The following NTM variants were observed in gnomAD, a reference collection of about 807,000 sequenced individuals.
NTM encodes the protein neurotrimin, also known as IgLON family member 2.
In NTM, 13 loss-of-function variants were observed where a neutral mutation model predicts 42.1. The observed-to-expected ratio is 0.31, with a 90% CI of 0.20 to 0.49. The LOEUF is 0.49. Among genes scored for constraint, NTM ranks in the 20% least tolerant of loss-of-function variants. NTM has a pLI of 0.99. For synonymous variants in NTM, 187 were observed against 179.2 expected (o/e 1.04, Z -0.35); for missense variants, 373 against 452.8 (o/e 0.82, Z 1.60).
At chr11:132,274,333 T>A (rs1284080884) in intron 4 of NTM, among the ~76,000 whole-genome samples, 2 of 152,132 alleles carry the variant, frequency 1.3e-5, no homozygotes, top group Non-Finnish European at 2.9e-5. Flanking sequence ...CTCTTTTTTT[T>A]AATATTATAG....
At chr11:131,975,094 G>T (rs1327174570) in intron 2 of NTM, among the ~76,000 whole-genome samples, 1 of 151,984 alleles carries the variant, frequency 6.6e-6, no homozygotes, top group East Asian at 1.9e-4. Flanking sequence ...AAATATTCAG[G>T]TACAGTAATA....
chr11:131,503,114 T>G (rs411462), intron 1 of NTM: 53,329 of 152,100 alleles, frequency 0.35, 9,622 homozygotes, highest in East Asian at 0.5. Flanking sequence ...TGAGAGGAAA[T>G]AAAGACATTT....
At chr11:131,886,701 G>T (rs1025383569) in intron 1 of NTM, among the ~76,000 whole-genome samples, 2 of 152,224 alleles carry the variant, frequency 1.3e-5, no homozygotes, top group African/African-American at 4.8e-5. Context: ...CAGGGAGCTT[G>T]AGGGAGCTTT....
chr11:131,903,366 G>A (rs1014552141), intron 1 of NTM, among the ~76,000 whole-genome samples: 12 of 152,204 alleles, frequency 7.9e-5, no homozygotes, highest in African/African-American at 1.2e-4. Flanking sequence ...TAATAGGACC[G>A]TTACTGTAAG....
intron 1 of NTM, among the ~76,000 whole-genome samples, chr11:131,785,945 A>G (rs1398792895): frequency 6.6e-6 from 1 of 152,184 alleles, no homozygotes; most frequent in Non-Finnish European, 1.5e-5. Context: ...CAGGCGTTCT[A>G]TGTTGCTGTG....
intron 4 of NTM, among the ~76,000 whole-genome samples, chr11:132,217,108 G>T (rs1381892314): frequency 6.6e-6 from 1 of 152,132 alleles, no homozygotes; most frequent in Non-Finnish European, 1.5e-5. Flanking sequence ...ATTCTAGTGG[G>T]CATCTGGCCC....
chr11:132,232,752 CT>C (rs1303543614), intron 4 of NTM, among the ~76,000 whole-genome samples: 1 of 152,172 alleles, frequency 6.6e-6, no homozygotes, highest in Non-Finnish European at 1.5e-5. Flanking sequence ...TATGCATATT[CT>C]TTTGGGCAGT....
chr11:131,760,030 A>G (rs1297249530), intron 1 of NTM, among the ~76,000 whole-genome samples: 1 of 152,208 alleles, frequency 6.6e-6, no homozygotes, highest in African/African-American at 2.4e-5. Flanking sequence ...CCACTGAGAA[A>G]TCGAGGGAGG....
chr11:132,078,549 C>G (rs1269275933), intron 2 of NTM, among the ~76,000 whole-genome samples: 1 of 152,174 alleles, frequency 6.6e-6, no homozygotes, highest in East Asian at 1.9e-4. Flanking sequence ...AACTGGGAGT[C>G]TGAAATAATC....
At chr11:132,317,051 A>AGAAGT (rs1400524500) in intron 7 of NTM, among the ~76,000 whole-genome samples, 1 of 152,176 alleles carries the variant, frequency 6.6e-6, no homozygotes, top group East Asian at 1.9e-4. Flanking sequence ...CTAGACGTTG[A>AGAAGT]GAAGTGAGGA....
chr11:131,442,520 A>G (rs1949704415), intron 1 of NTM, among the ~76,000 whole-genome samples: 1 of 152,144 alleles, frequency 6.6e-6, no homozygotes, highest in Admixed American at 6.5e-5. Context: ...CCCATCAACC[A>G]AATAGTGAAC....
At chr11:132,333,767 GCTAC>G (rs148885767) in intron 8 of NTM, among the ~76,000 whole-genome samples, 1 of 152,152 alleles carries the variant, frequency 6.6e-6, no homozygotes, top group Non-Finnish European at 1.5e-5. Context: ...CAATCTCATG[GCTAC>G]CTATTTAGCC....
chr11:131,994,528 C>T (rs1287441730), intron 2 of NTM, among the ~76,000 whole-genome samples: 2 of 152,110 alleles, frequency 1.3e-5, no homozygotes, highest in Non-Finnish European at 2.9e-5. Context: ...AGAAGGTGCA[C>T]AGAAACAGGA....
intron 5 of NTM, among the ~76,000 whole-genome samples, chr11:132,308,397 G>C (rs1161881320): frequency 1.3e-5 from 2 of 152,142 alleles, no homozygotes; most frequent in Non-Finnish European, 1.5e-5. Context: ...AATCCAAAAA[G>C]TTTGGAAGGT....
chr11:131,381,944 T>C (rs772828135), intron 1 of NTM, among the ~76,000 whole-genome samples: 1 of 152,224 alleles, frequency 6.6e-6, no homozygotes, highest in Non-Finnish European at 1.5e-5. Flanking sequence ...ATAACTGATG[T>C]TAACACTCTT....
intron 2 of NTM, among the ~76,000 whole-genome samples, chr11:132,090,054 C>A (rs1439256199): frequency 6.6e-6 from 1 of 152,014 alleles, no homozygotes; most frequent in Non-Finnish European, 1.5e-5. Flanking sequence ...CTCACAATAT[C>A]CTTGGAGGGT....
chr11:131,571,500 A>T (rs979867459), intron 1 of NTM, among the ~76,000 whole-genome samples: 4 of 152,218 alleles, frequency 2.6e-5, no homozygotes, highest in African/African-American at 9.6e-5. Context: ...TTAGCATGAC[A>T]GGCCAGCAAA....
intron 1 of NTM, among the ~76,000 whole-genome samples, chr11:131,903,102 A>C (rs776847160): frequency 3.0e-4 from 44 of 148,228 alleles, no homozygotes; most frequent in Non-Finnish European, 5.5e-4. Flanking sequence ...AGATACAGGA[A>C]ACACAGAAAA....
intron 1 of NTM, among the ~76,000 whole-genome samples, chr11:131,602,657 T>G (rs2060590402): frequency 6.6e-6 from 1 of 152,228 alleles, no homozygotes; most frequent in Non-Finnish European, 1.5e-5. Context: ...CCCAAACATC[T>G]CTGAGTTCTA....
Sources: gnomAD v4.1 joint callset for allele counts (sites outside exome capture counted in the v4.1 genomes callset) on GRCh38, gnomAD v4.1.1 for gene constraint, MANE v1.5 for transcripts, NCBI Gene and HGNC (gene_info 2026-07-23, HGNC 2026-07-21) for gene names.